WDR70: variants seen among roughly 807,000 people sequenced by gnomAD.
The protein encoded by WDR70 is WD repeat domain 70.
A neutral mutation model predicts 88.6 loss-of-function variants in WDR70; 53 were observed. The ratio of observed to expected loss-of-function variants is 0.60; its 90% CI spans 0.48 to 0.75. The LOEUF is 0.75. Ranked by LOEUF, WDR70 falls within the 30% of genes least tolerant of loss-of-function variation. The pLI is 0.00. For synonymous variants in WDR70, 280 were observed against 270.0 expected, an observed-to-expected ratio of 1.04 and a Z score of -0.36; for missense variants, 610 against 823.2, an observed-to-expected ratio of 0.74 and a Z score of 3.17.
intron 8 of WDR70, among the ~76,000 whole-genome samples, chr5:37,480,375 T>C (rs1739624628): frequency 1.3e-5 from 2 of 152,202 alleles, no homozygotes; most frequent in Admixed American, 1.3e-4. Flanking sequence ...TATTAGTCTG[T>C]TCTCATGCTG....
At chr5:37,693,071 AACAG>A (rs148665502) in intron 10 of WDR70, among the ~76,000 whole-genome samples, 11,094 of 152,142 alleles carry the variant, frequency 0.073, 1,273 homozygotes, top group African/African-American at 0.25. Context: ...ATACACCAAT[AACAG>A]ACAAACAGCC....
At chr5:37,607,088 C>CG (rs1744052489) in intron 10 of WDR70, among the ~76,000 whole-genome samples, 2 of 150,474 alleles carry the variant, frequency 1.3e-5, no homozygotes, top group Non-Finnish European at 3.0e-5. Flanking sequence ...ACATACAGGC[C>CG]TGTACCACCA....
intron 5 of WDR70, among the ~76,000 whole-genome samples, chr5:37,401,679 C>G (rs1238390509): frequency 6.6e-6 from 1 of 152,062 alleles, no homozygotes; most frequent in Non-Finnish European, 1.5e-5. Context: ...CCATGCTGGT[C>G]TCACCTGGGC....
At chr5:37,538,979 A>C (rs2112323786) in intron 9 of WDR70, among the ~76,000 whole-genome samples, 1 of 152,328 alleles carries the variant, frequency 6.6e-6, no homozygotes, top group South Asian at 2.1e-4. Flanking sequence ...CTGAGTCCAC[A>C]GTATAGAATT....
intron 10 of WDR70, among the ~76,000 whole-genome samples, chr5:37,674,672 G>T (rs1561063291): frequency 6.6e-6 from 1 of 152,120 alleles, no homozygotes; most frequent in Non-Finnish European, 1.5e-5. Context: ...TTGCTATTGT[G>T]AATAGTCCCG....
At chr5:37,450,589 G>T (rs1012495857) in intron 7 of WDR70, among the ~76,000 whole-genome samples, 5 of 152,054 alleles carry the variant, frequency 3.3e-5, no homozygotes, top group African/African-American at 1.2e-4. Context: ...TACTTATTCA[G>T]CCTCAGTATA....
At chr5:37,622,149 C>G (rs555923132) in intron 10 of WDR70, among the ~76,000 whole-genome samples, 10 of 152,104 alleles carry the variant, frequency 6.6e-5, no homozygotes, top group East Asian at 1.9e-4. Flanking sequence ...AGCGGCTCAT[C>G]ATCACTGGCC....
chr5:37,708,322 A>T (rs1340058609), intron 13 of WDR70, among the ~76,000 whole-genome samples: 2 of 151,684 alleles, frequency 1.3e-5, no homozygotes, highest in Non-Finnish European at 1.5e-5. Flanking sequence ...CTAACTCTAC[A>T]GTTTGAGAAA....
At chr5:37,519,390 C>T (rs75114436) in intron 9 of WDR70, among the ~76,000 whole-genome samples, 7,181 of 147,096 alleles carry the variant, frequency 0.049, 179 homozygotes, top group South Asian at 0.07. Flanking sequence ...GATGGGGCAG[C>T]CGGGCGGAGG....
intron 8 of WDR70, among the ~76,000 whole-genome samples, chr5:37,515,886 A>T (rs951205090): frequency 6.6e-6 from 1 of 152,100 alleles, no homozygotes; most frequent in African/African-American, 2.4e-5. Context: ...ACTCTAGTTG[A>T]TTTGGTGTAT....
chr5:37,533,824 C>T (rs549074232), intron 9 of WDR70, among the ~76,000 whole-genome samples: 1 of 152,290 alleles, frequency 6.6e-6, no homozygotes, highest in South Asian at 2.1e-4. Context: ...CACTCCCATG[C>T]AGTCCCCAGT....
chr5:37,711,987 C>CTTTTT (rs70978842), intron 13 of WDR70, among the ~76,000 whole-genome samples: 35 of 103,992 alleles, frequency 3.4e-4, no homozygotes, highest in Middle Eastern at 4.9e-3. Context: ...TATATTTTTT[C>CTTTTT]TTTTTTTTTT....
intron 9 of WDR70, among the ~76,000 whole-genome samples, chr5:37,556,766 A>C (rs1742304510): frequency 6.6e-6 from 1 of 152,236 alleles, no homozygotes; most frequent in African/African-American, 2.4e-5. Flanking sequence ...TGCAGAATTT[A>C]AACATAGGAA....
At chr5:37,622,468 A>T (rs1744534759) in intron 10 of WDR70, among the ~76,000 whole-genome samples, 1 of 152,086 alleles carries the variant, frequency 6.6e-6, no homozygotes, top group Non-Finnish European at 1.5e-5. Flanking sequence ...CACTATTCAC[A>T]ATAGCAAAGA....
chr5:37,608,698 C>T (rs777470209), intron 10 of WDR70, among the ~76,000 whole-genome samples: 4 of 152,226 alleles, frequency 2.6e-5, no homozygotes, highest in Non-Finnish European at 4.4e-5. Context: ...GCTGAGACCA[C>T]GGGCATGCGC....
chr5:37,614,817 G>C (rs771471084), intron 10 of WDR70, among the ~76,000 whole-genome samples: 6 of 152,076 alleles, frequency 3.9e-5, no homozygotes, highest in Non-Finnish European at 7.4e-5. Context: ...CTAGACATTT[G>C]GGGAAATCCT....
At chr5:37,602,874 G>A (rs1336094303) in intron 9 of WDR70, among the ~76,000 whole-genome samples, 1 of 152,110 alleles carries the variant, frequency 6.6e-6, no homozygotes, top group African/African-American at 2.4e-5. Flanking sequence ...CTACTCAGGA[G>A]GCTGAGGCAG....
chr5:37,725,163 A>G (rs942172648), intron 16 of WDR70, 113 bp downstream of exon 16: 6 of 787,692 alleles, frequency 7.6e-6, no homozygotes, highest in Middle Eastern at 7.4e-4. Context: ...CTTCAGAGAG[A>G]TTTTACTAGT....
In WDR70 at chr5:37,692,113, G is replaced by A. The variant is rs572237428; in HGVS notation, c.1093-5542G>A. Among the ~76,000 whole-genome samples the A allele has an allele frequency of 2.7e-3, 404 of 152,204 alleles. 1 individual carries two copies. The highest frequency in any genetic ancestry group is 8.5e-3 in the African/African-American group (352 of 41,540). On this transcript the variant is annotated intron_variant, in intron 10 of 17. Coordinates refer to ENST00000265107, the MANE Select transcript of WDR70 (RefSeq NM_018034.4). The stretch of plus-strand genomic sequence containing the variant: ...ATAAAATAGAAAATCTAGAAGAAAT[G>A]GATAAATTCCTGGACACATACACCA...
Sources: gnomAD v4.1 joint callset for allele counts (sites outside exome capture counted in the v4.1 genomes callset) on GRCh38, gnomAD v4.1.1 for gene constraint, MANE v1.5 for transcripts, NCBI Gene and HGNC (gene_info 2026-07-23, HGNC 2026-07-21) for gene names.